Variants in CNTN4 observed in about 807,000 individuals in gnomAD.
CNTN4 encodes contactin 4.
Under a neutral mutation model 122.5 loss-of-function variants are expected in CNTN4, and 77 were observed. The observed-to-expected ratio is 0.63, with a 90% CI of 0.52 to 0.76. CNTN4 has a LOEUF of 0.76. CNTN4 is among the 30% of genes least tolerant of loss of function. The probability of loss-of-function intolerance (pLI) is 0.00; values close to 1 mark genes in which losing one functional copy is unlikely to be tolerated. For missense variants in CNTN4, 1,256 were observed against 1,259.1 expected (o/e 1.00, Z 0.04); for synonymous variants, 512 against 447.0 (o/e 1.15, Z -1.83).
intron 4 of CNTN4, among the ~76,000 whole-genome samples, chr3:2,648,764 T>C (rs779284396): frequency 1.3e-5 from 2 of 152,210 alleles, no homozygotes; most frequent in Non-Finnish European, 2.9e-5. Context: ...GAATTGACCT[T>C]AATGAGGAAG....
intron 4 of CNTN4, among the ~76,000 whole-genome samples, chr3:2,617,419 C>CTTTTTTTTTTTTTTTTTTTTTTTTTTTTT (rs71058631): frequency 9.2e-6 from 1 of 108,528 alleles, no homozygotes; most frequent in Non-Finnish European, 1.8e-5. Flanking sequence ...AGAGAAATGC[C>CTTTTTTTTTTTTTTTTTTTTTTTTTTTTT]TTTTTTTTTT....
intron 7 of CNTN4, among the ~76,000 whole-genome samples, 158 bp downstream of exon 7, chr3:2,819,739 A>AT (rs1198202654): frequency 6.6e-6 from 1 of 152,184 alleles, no homozygotes; most frequent in East Asian, 1.9e-4. Context: ...GCCTCCCATC[A>AT]TTAGGACAGG....
intron 2 of CNTN4, among the ~76,000 whole-genome samples, chr3:2,117,108 C>A (rs1310518204): frequency 1.3e-5 from 2 of 152,162 alleles, no homozygotes; most frequent in East Asian, 3.9e-4. Context: ...TCCCACAAGA[C>A]TGTCCCCTAC....
Position 3,056,796 on chromosome 3 carries a change from C to T in CNTN4, c.*576C>T, listed in dbSNP as rs551223942. 2.6e-5 allele frequency: 4 copies of T among 152,904 alleles called. No homozygotes were observed. Among genetic ancestry groups the T allele is most frequent in the African/African-American group, 4.8e-5 (2 of 41,524 alleles). 9.5% of individuals were successfully genotyped at this position (152,904 alleles called of 1,614,324 possible). A position where few individuals can be genotyped will look rare whatever the true frequency, so the allele number is the denominator to read the frequency against. ...GACATGTACAGTATGTTTCCCATGC[C>T]GTTGTGATTTTGACATGTACAGTAT... is the stretch of plus-strand genomic sequence containing the variant. On this transcript the variant is annotated 3_prime_UTR_variant, in exon 25 of 25. Transcript: ENST00000418658.
intron 2 of CNTN4, among the ~76,000 whole-genome samples, chr3:2,250,576 A>G (rs139224213): frequency 0.012 from 1,890 of 152,036 alleles, 23 homozygotes; most frequent in Middle Eastern, 0.031. Flanking sequence ...AGGACGATGC[A>G]TATGATAATT....
At chr3:2,186,151 A>G (rs950413066) in intron 2 of CNTN4, among the ~76,000 whole-genome samples, 7 of 149,842 alleles carry the variant, frequency 4.7e-5, no homozygotes, top group African/African-American at 1.5e-4. Context: ...TCATTGTTCA[A>G]TTCCCACCTA....
intron 12 of CNTN4, among the ~76,000 whole-genome samples, chr3:2,903,828 A>T (rs1430156385): frequency 6.6e-6 from 1 of 152,138 alleles, no homozygotes; most frequent in African/African-American, 2.4e-5. Context: ...GGTTCAATTC[A>T]TCATTTTATT....
chr3:2,661,678 G>A (rs972009079), intron 4 of CNTN4, among the ~76,000 whole-genome samples: 2 of 151,656 alleles, frequency 1.3e-5, no homozygotes, highest in African/African-American at 4.8e-5. Flanking sequence ...CAGGCGTAGT[G>A]GCGGGTGCTT....
In CNTN4 at chr3:3,038,929, G is replaced by T; in HGVS notation, c.2093-4G>T. The T allele has an allele frequency of 6.2e-7, 1 of 1,613,978 alleles. No homozygotes were observed. The highest frequency in any genetic ancestry group is 8.5e-7 in the Non-Finnish European group (1 of 1,179,888). The stretch of plus-strand genomic sequence containing the variant: ...CATAACTTGTTTTTTGTCTCCTTGT[G>T]CAGTCCCCGAAGTCACACCAGCGAA... On this transcript the variant is annotated splice_polypyrimidine_tract_variant and splice_region_variant and intron_variant, in intron 18 of 24. Transcript: ENST00000418658.
At chr3:2,590,769 G>A (rs1175902122) in intron 4 of CNTN4, among the ~76,000 whole-genome samples, 2 of 151,518 alleles carry the variant, frequency 1.3e-5, no homozygotes, top group African/African-American at 2.4e-5. Context: ...GCCTGTCTAT[G>A]CCTAGCTTTA....
At position 2,814,687 on chromosome 3, in the gene CNTN4, G is replaced by A. The variant is rs1042795024; in HGVS notation, c.359-4799G>A. 2.6e-5 allele frequency among the ~76,000 whole-genome samples: 4 copies of A among 152,298 alleles called. No homozygotes were observed. The South Asian group carries it at 6.2e-4, about 24-fold the overall frequency. ...GAAAGCTCTTTTTCACTGACTTTAC[G>A]AAATCAGTGAAGATGCCACAGATTA... On this transcript the variant is annotated intron_variant, in intron 6 of 24. Coordinates refer to ENST00000418658, the MANE Select transcript of CNTN4 (RefSeq NM_175607.3).
intron 7 of CNTN4, among the ~76,000 whole-genome samples, chr3:2,826,875 C>T (rs1406987997): frequency 6.6e-6 from 1 of 152,158 alleles, no homozygotes; most frequent in African/African-American, 2.4e-5. Flanking sequence ...CAAACTGGTT[C>T]CTGGGTTTAC....
chr3:2,220,095 T>G (rs1323361982), intron 2 of CNTN4, among the ~76,000 whole-genome samples: 1 of 152,166 alleles, frequency 6.6e-6, no homozygotes. Context: ...CTCCTTCTGG[T>G]ATACTGTTCC....
intron 3 of CNTN4, among the ~76,000 whole-genome samples, chr3:2,340,463 AC>A (rs994986387): frequency 2.0e-5 from 3 of 151,234 alleles, no homozygotes; most frequent in African/African-American, 7.3e-5. Flanking sequence ...GATTTTTAAC[AC>A]CCTCAGTTAA....
intron 13 of CNTN4, among the ~76,000 whole-genome samples, chr3:2,985,912 CT>C (rs762011820): frequency 0.085 from 11,002 of 129,874 alleles, 674 homozygotes; most frequent in African/African-American, 0.21. Flanking sequence ...TAAGAGAATA[CT>C]TTTTTTTTTT....
intron 2 of CNTN4, among the ~76,000 whole-genome samples, chr3:2,224,496 C>T (rs1370272768): frequency 6.6e-6 from 1 of 152,064 alleles, no homozygotes; most frequent in Non-Finnish European, 1.5e-5. Context: ...CTACCTGGGT[C>T]CTTTCCCCTT....
chr3:2,580,275 C>T (rs987230618), intron 4 of CNTN4, among the ~76,000 whole-genome samples: 1 of 152,096 alleles, frequency 6.6e-6, no homozygotes, highest in Non-Finnish European at 1.5e-5. Context: ...GGCAGCAAGG[C>T]AGCTAGGACA....
Position 2,420,950 on chromosome 3 carries a change from C to T in CNTN4, c.-89+81717C>T, listed in dbSNP as rs117423277. On this transcript the variant is annotated intron_variant, in intron 3 of 24. Coordinates refer to ENST00000418658, the MANE Select transcript of CNTN4 (RefSeq NM_175607.3). ...TTCACGTTTTGCCTAATAAAGTAAA[C>T]GTTCAGGACCCAGCAGTTGCATTTT... Among the ~76,000 whole-genome samples the T allele has an allele frequency of 9.2e-5, 14 of 152,196 alleles. 1 individual carries two copies. The East Asian group carries it at 2.5e-3, about 27-fold the overall frequency.
intron 2 of CNTN4, among the ~76,000 whole-genome samples, chr3:2,203,491 GA>G (rs2038197405): frequency 6.6e-6 from 1 of 152,068 alleles, no homozygotes; most frequent in Non-Finnish European, 1.5e-5. Flanking sequence ...AAAGGGAAAA[GA>G]AAGCAAAGTA....
Sources: allele counts gnomAD v4.1 joint callset (sites outside exome capture counted in the v4.1 genomes callset), GRCh38; gene constraint gnomAD v4.1.1; transcripts MANE v1.5; gene names NCBI Gene and HGNC (gene_info 2026-07-23, HGNC 2026-07-21).